TBC1D22B: variants seen among roughly 807,000 people sequenced by gnomAD.
TBC1D22B encodes chromosome 6 open reading frame 197.
In TBC1D22B, 32 loss-of-function variants were observed where a neutral mutation model predicts 69.1. The observed-to-expected ratio is 0.46, with a 90% CI of 0.35 to 0.62. The LOEUF (loss-of-function observed/expected upper bound fraction) is 0.62. Among genes scored for constraint, TBC1D22B ranks in the 20% least tolerant of loss-of-function variants. The pLI is 0.00. For synonymous variants in TBC1D22B, 206 were observed against 229.8 expected, an observed-to-expected ratio of 0.90 and a Z score of 0.94; for missense variants, 462 against 630.9, an observed-to-expected ratio of 0.73 and a Z score of 2.87.
At chr6:37,267,589 T>C (rs979960440) in intron 1 of TBC1D22B, among the ~76,000 whole-genome samples, 4 of 148,496 alleles carry the variant, frequency 2.7e-5, no homozygotes, top group Admixed American at 1.4e-4. Flanking sequence ...ATTCTGATAA[T>C]TTGGAAGATT....
intron 7 of TBC1D22B, 89 bp downstream of exon 7, chr6:37,287,161 C>A: frequency 1.0e-6 from 1 of 1,000,184 alleles, no homozygotes; most frequent in Non-Finnish European, 1.5e-6. Context: ...CATAATAGTA[C>A]CTTATGTTCA....
intron 8 of TBC1D22B, among the ~76,000 whole-genome samples, chr6:37,295,967 G>GTCAGC (rs1463116002): frequency 1.3e-5 from 2 of 152,222 alleles, no homozygotes; most frequent in Non-Finnish European, 2.9e-5. Flanking sequence ...AATTGTCACA[G>GTCAGC]CCAGCCCAGC....
intron 12 of TBC1D22B, among the ~76,000 whole-genome samples, chr6:37,327,447 C>G (rs1216141172): frequency 2.9e-5 from 2 of 68,450 alleles, no homozygotes; most frequent in Admixed American, 2.6e-4. Context: ...CACTGCACTC[C>G]AGCCTGGGCG....
chr6:37,279,665 TAAATAAAAGCG>T, intron 3 of TBC1D22B, 54 bp downstream of exon 3: 1 of 1,526,458 alleles, frequency 6.6e-7, no homozygotes, highest in Non-Finnish European at 8.8e-7. Flanking sequence ...GCGTGCATTT[TAAATAAAAGCG>T]ATTTTTCTTT....
Position 37,314,545 on chromosome 6 carries a change from A to C in TBC1D22B, c.1165+654A>C, listed in dbSNP as rs16889683. 1.7e-3 allele frequency among the ~76,000 whole-genome samples: 254 copies of C among 152,290 alleles called. 1 individual carries two copies. The highest frequency in any genetic ancestry group is 5.7e-3 in the African/African-American group (238 of 41,566). ...CAGGAATTCCTCAGCTTTGGCCTAG[A>C]GTCATAGAATGTTAGAACGAAAGGA... is the stretch of plus-strand genomic sequence containing the variant. On this transcript the variant is annotated intron_variant, in intron 10 of 12. Transcript: ENST00000373491.
At chr6:37,298,513 C>T (rs948325288) in intron 8 of TBC1D22B, among the ~76,000 whole-genome samples, 16 of 147,718 alleles carry the variant, frequency 1.1e-4, no homozygotes, top group Non-Finnish European at 2.2e-4. Context: ...CTTTTCTTCT[C>T]TAGAAGAACA....
intron 1 of TBC1D22B, among the ~76,000 whole-genome samples, chr6:37,259,908 C>CA (rs1254099420): frequency 2.0e-5 from 3 of 151,804 alleles, no homozygotes; most frequent in Admixed American, 1.3e-4. Flanking sequence ...TATAGTTGCT[C>CA]AAAAAAACAG....
chr6:37,258,264 G>C, intron 1 of TBC1D22B: 1 of 428,830 alleles, frequency 2.3e-6, no homozygotes, highest in South Asian at 2.8e-5. Context: ...TGGGTGAATA[G>C]TCAGTGTCGG....
intron 6 of TBC1D22B, among the ~76,000 whole-genome samples, chr6:37,286,557 C>T (rs1276019109): frequency 8.6e-5 from 13 of 151,904 alleles, no homozygotes; most frequent in South Asian, 4.2e-4. Flanking sequence ...CCTCATGATC[C>T]GCCCGGCTTG....
intron 8 of TBC1D22B, among the ~76,000 whole-genome samples, chr6:37,307,673 G>A (rs186874412): frequency 7.4e-4 from 113 of 152,192 alleles, no homozygotes; most frequent in African/African-American, 2.5e-3. Context: ...AAAATATTAC[G>A]CAAGGTATTC....
chr6:37,271,477 T>G (rs1221315386), intron 2 of TBC1D22B, among the ~76,000 whole-genome samples: 1 of 152,182 alleles, frequency 6.6e-6, no homozygotes, highest in Admixed American at 6.5e-5. Flanking sequence ...AATGTACCAC[T>G]GTGGTGGCGG....
intron 12 of TBC1D22B, chr6:37,324,124 A>G (rs1048401538): frequency 3.2e-6 from 1 of 310,386 alleles, no homozygotes; most frequent in East Asian, 8.5e-5. Flanking sequence ...GCATTTTTAC[A>G]TGCTTGAATA....
At chr6:37,280,339 G>T (rs1766785323) in intron 3 of TBC1D22B, among the ~76,000 whole-genome samples, 1 of 152,218 alleles carries the variant, frequency 6.6e-6, no homozygotes, top group African/African-American at 2.4e-5. Context: ...TCATCGCAGT[G>T]AGAGTTAAAG....
chr6:37,326,826 GAATATCACAAATTTTAAA>G (rs1768421190), intron 12 of TBC1D22B, among the ~76,000 whole-genome samples: 1 of 152,076 alleles, frequency 6.6e-6, no homozygotes, highest in Non-Finnish European at 1.5e-5. Context: ...ACACAGAGGT[GAATATCACAAATTTTAAA>G]AAAATTGATT....
intron 1 of TBC1D22B, among the ~76,000 whole-genome samples, chr6:37,264,002 A>G (rs1410804419): frequency 1.3e-5 from 2 of 151,630 alleles, no homozygotes; most frequent in Non-Finnish European, 2.9e-5. Flanking sequence ...GAAAATGTCA[A>G]TTAAATGCTT....
At position 37,282,927 on chromosome 6, in the gene TBC1D22B, G is replaced by A. The variant is rs1766880551; in HGVS notation, c.647G>A (p.Arg216Gln). The change falls in exon 5 of 13, where the codon CGA becomes CAA. Residue 216 changes from arginine (R) to glutamine (Q), a missense_variant. Coordinates refer to ENST00000373491, the MANE Select transcript of TBC1D22B (RefSeq NM_017772.4). ...TGGCCAGGGGTTCCCAGGGAGGTTC[G>A]ACCTATAACCTGGAGACTCCTGTCG... is the stretch of plus-strand genomic sequence containing the variant. ...CSWPGVPREV[R>Q]PITWRLLSGY... is the part of the protein sequence containing the mutation. 5 of 1,613,810 alleles carry A rather than the reference G, an allele frequency of 3.1e-6. No individual in the cohort carries two copies. The highest frequency in any genetic ancestry group is 1.3e-5 in the African/African-American group (1 of 75,002).
intron 12 of TBC1D22B, among the ~76,000 whole-genome samples, 182 bp from the exon 13 acceptor site, chr6:37,330,862 A>G (rs532818647): frequency 6.6e-6 from 1 of 152,070 alleles, no homozygotes; most frequent in East Asian, 1.9e-4. Flanking sequence ...GGCTTTCAAG[A>G]CCTCCTGAGG....
chr6:37,258,027 C>G (rs1014233978), intron 1 of TBC1D22B, 54 bp downstream of exon 1: 11 of 1,588,892 alleles, frequency 6.9e-6, no homozygotes, highest in Non-Finnish European at 9.4e-6. Context: ...CTTCCAGATC[C>G]TAATCCCTGA....
intron 1 of TBC1D22B, among the ~76,000 whole-genome samples, chr6:37,268,064 A>G (rs938581337): frequency 1.3e-5 from 2 of 152,296 alleles, no homozygotes; most frequent in South Asian, 4.1e-4. Context: ...TGGTTTCTCC[A>G]TCTCATGATT....
Sources: gnomAD v4.1 joint callset for allele counts (sites outside exome capture counted in the v4.1 genomes callset) on GRCh38, gnomAD v4.1.1 for gene constraint, MANE v1.5 for transcripts, NCBI Gene and HGNC (gene_info 2026-07-23, HGNC 2026-07-21) for gene names.